The following FSTL5 variants were observed in gnomAD, a reference collection of about 807,000 sequenced individuals.
FSTL5 encodes follistatin like 5.
In FSTL5, 62 loss-of-function variants were observed where a neutral mutation model predicts 89.1. The ratio of observed to expected loss-of-function variants is 0.70; its 90% confidence interval spans 0.57 to 0.86. The LOEUF (loss-of-function observed/expected upper bound fraction) is 0.86. Ranked by LOEUF, FSTL5 falls within the 40% of genes least tolerant of loss-of-function variation. FSTL5 has a pLI of 0.00. For synonymous variants in FSTL5, 383 were observed against 346.2 expected (o/e 1.11, Z -1.18); for missense variants, 1,057 against 1,001.6 (o/e 1.06, Z -0.75).
At position 161,587,496 on chromosome 4, in the gene FSTL5, C is replaced by A. The variant is rs2126607009; in HGVS notation, c.974G>T (p.Gly325Val). Residue 325 changes from glycine (G) to valine (V), a missense_variant, in exon 8 of 16, where the codon GGC becomes GTC. Gly to Val is a moderately radical substitution (Grantham distance 109, BLOSUM62 -3). Coordinates refer to ENST00000306100, the MANE Select transcript of FSTL5 (RefSeq NM_020116.5). ...HVGNYTCYAD[G>V]YEQVYQTHIF... ...GTGAGTCTGATAGACTTGTTCATAG[C>A]CATCTGCATAGCAGGTGTAATTGCC... 1 of 1,612,802 alleles carries A rather than the reference C, an allele frequency of 6.2e-7. No individual in the cohort carries two copies. Among genetic ancestry groups the A allele is most frequent in the Non-Finnish European group, 8.5e-7 (1 of 1,179,068 alleles).
chr4:161,928,670 AGATT>A (rs1433075206), intron 3 of FSTL5, among the ~76,000 whole-genome samples: 1 of 151,906 alleles, frequency 6.6e-6, no homozygotes, highest in Admixed American at 6.6e-5. Flanking sequence ...TCATAACATA[AGATT>A]GATTGAGCGT....
chr4:161,993,780 T>C (rs528626383), intron 3 of FSTL5, among the ~76,000 whole-genome samples: 87 of 152,270 alleles, frequency 5.7e-4, no homozygotes, highest in Middle Eastern at 3.4e-3. Flanking sequence ...GTTATTTTCA[T>C]TTGATTTTTA....
At chr4:161,803,974 T>G (rs185570758) in intron 4 of FSTL5, among the ~76,000 whole-genome samples, 61 of 152,108 alleles carry the variant, frequency 4.0e-4, no homozygotes, top group African/African-American at 1.4e-3. Flanking sequence ...CCAAATTCAG[T>G]CTTTGAGATT....
chr4:162,111,286 C>A lies in FSTL5; in HGVS notation c.111G>T (p.Met37Ile), dbSNP rs751454777. The change falls in exon 2 of 16, where the codon ATG becomes ATT. Residue 37 changes from methionine (M) to isoleucine (I), a missense_variant. Met to Ile is a conservative substitution (Grantham distance 10, BLOSUM62 1). This residue lies in a region of FSTL5 where 980 missense variants were observed against 903.2 expected (regional missense o/e 1.08). Transcript: ENST00000306100. ...TTGACTGTACCTTATGTCGCAATCT[C>A]ATTAGAGGCTGATAGGATTTAAGGC... Reference protein sequence around the residue: ...GYGLKSYQPLMRLRHKQEKNQ... With the variant: ...GYGLKSYQPLIRLRHKQEKNQ... 1.9e-6 allele frequency: 3 copies of A among 1,610,344 alleles called. No individual in the cohort carries two copies. The South Asian group carries it at 3.3e-5, about 18-fold the overall frequency.
chr4:161,639,129 G>A (rs937000890), intron 7 of FSTL5, among the ~76,000 whole-genome samples: 1 of 152,000 alleles, frequency 6.6e-6, no homozygotes. Flanking sequence ...ATTCAACATA[G>A]TGTTGGAATT....
intron 15 of FSTL5, among the ~76,000 whole-genome samples, chr4:161,389,231 G>C (rs763783772): frequency 2.6e-5 from 4 of 152,004 alleles, no homozygotes; most frequent in Non-Finnish European, 5.9e-5. Context: ...ACAGTATTAG[G>C]CCTAACATAG....
Position 161,967,017 on chromosome 4 carries a change from C to T in FSTL5, c.161-46365G>A, listed in dbSNP as rs961780457. Among the ~76,000 whole-genome samples, 5 of 151,162 alleles carry T rather than the reference C, an allele frequency of 3.3e-5. No homozygotes were observed. In the South Asian group the frequency reaches 6.2e-4, roughly 19 times the overall value. On this transcript the variant is annotated intron_variant, in intron 3 of 15. Transcript: ENST00000306100. The stretch of plus-strand genomic sequence containing the variant: ...GGACTTAGTCACAACTTAGACATAA[C>T]GAGCCTGGTAAACCTCTCACCATAA...
At chr4:161,836,445 A>G (rs1731043937) in intron 4 of FSTL5, among the ~76,000 whole-genome samples, 1 of 151,850 alleles carries the variant, frequency 6.6e-6, no homozygotes, top group South Asian at 2.1e-4. Flanking sequence ...CCTAAAACTT[A>G]AAGTATAACA....
intron 3 of FSTL5, among the ~76,000 whole-genome samples, chr4:162,000,597 A>T (rs1736434881): frequency 6.9e-6 from 1 of 144,968 alleles, no homozygotes; most frequent in Non-Finnish European, 1.5e-5. Context: ...GACTCAGTCT[A>T]AAAAAAAAAA....
At chr4:161,952,758 A>G (rs1734932947) in intron 3 of FSTL5, among the ~76,000 whole-genome samples, 1 of 151,904 alleles carries the variant, frequency 6.6e-6, no homozygotes, top group African/African-American at 2.4e-5. Flanking sequence ...GTATTAATTG[A>G]GACCTTTTAA....
At chr4:161,619,573 A>G (rs1227876718) in intron 7 of FSTL5, among the ~76,000 whole-genome samples, 2 of 152,262 alleles carry the variant, frequency 1.3e-5, no homozygotes, top group African/African-American at 4.8e-5. Flanking sequence ...TTATGCAGCC[A>G]AAAAACATGA....
intron 4 of FSTL5, among the ~76,000 whole-genome samples, chr4:161,860,198 G>A (rs1423872697): frequency 2.0e-5 from 3 of 152,082 alleles, no homozygotes; most frequent in Non-Finnish European, 4.4e-5. Context: ...TGAGGCAGGA[G>A]AATGGCGTGA....
Position 161,661,737 on chromosome 4 carries a change from C to T in FSTL5, c.728-5243G>A, listed in dbSNP as rs1737967582. On this transcript the variant is annotated intron_variant, in intron 6 of 15. Coordinates refer to ENST00000306100, the MANE Select transcript of FSTL5 (RefSeq NM_020116.5). ...AATGTCTACCTGTTAAATATTATAG[C>T]TTTTATTATAATTGGTCTTATAAAA... Among the ~76,000 whole-genome samples the T allele has an allele frequency of 2.6e-5, 4 of 152,006 alleles. No homozygotes were observed. In the South Asian group the frequency reaches 6.2e-4, roughly 24 times the overall value.
intron 7 of FSTL5, among the ~76,000 whole-genome samples, chr4:161,629,847 G>A (rs936596808): frequency 6.6e-6 from 1 of 152,220 alleles, no homozygotes; most frequent in African/African-American, 2.4e-5. Flanking sequence ...TTACCTGGCA[G>A]GTCTCAGAGG....
At chr4:162,100,226 T>C (rs1014489672) in intron 2 of FSTL5, among the ~76,000 whole-genome samples, 1 of 152,150 alleles carries the variant, frequency 6.6e-6, no homozygotes, top group African/African-American at 2.4e-5. Context: ...AAATGGAGTA[T>C]TATTCAGCAC....
At chr4:161,609,800 G>A (rs962461120) in intron 7 of FSTL5, among the ~76,000 whole-genome samples, 1 of 152,046 alleles carries the variant, frequency 6.6e-6, no homozygotes, top group East Asian at 1.9e-4. Context: ...TCAGGTGAAT[G>A]CTGCCTACAG....
At chr4:161,916,811 G>A (rs772641779) in intron 4 of FSTL5, among the ~76,000 whole-genome samples, 4 of 151,990 alleles carry the variant, frequency 2.6e-5, no homozygotes, top group Non-Finnish European at 4.4e-5. Context: ...TGTAACACAA[G>A]TAATAGAAAG....
chr4:161,719,225 C>T (rs573150373), intron 6 of FSTL5, among the ~76,000 whole-genome samples: 1 of 152,222 alleles, frequency 6.6e-6, no homozygotes, highest in African/African-American at 2.4e-5. Flanking sequence ...CTTGTGTATT[C>T]TTGGCAGCCT....
intron 2 of FSTL5, among the ~76,000 whole-genome samples, chr4:162,093,339 T>C (rs1191454314): frequency 6.6e-6 from 1 of 152,176 alleles, no homozygotes; most frequent in Non-Finnish European, 1.5e-5. Flanking sequence ...TAAGCAATAG[T>C]AGATAACAGG....
Sources: allele counts gnomAD v4.1 joint callset (sites outside exome capture counted in the v4.1 genomes callset), GRCh38; gene constraint gnomAD v4.1.1; regional missense constraint gnomAD v4.1.1; transcripts MANE v1.5; gene names NCBI Gene and HGNC (gene_info 2026-07-23, HGNC 2026-07-21).